Variants in AFF3 observed in about 807,000 individuals in gnomAD.
AFF3 encodes AF4/FMR2 family member 3.
Under a neutral mutation model 129.7 loss-of-function variants are expected in AFF3, and 32 were observed. That is an observed-to-expected ratio of 0.25 (90% CI 0.19 to 0.33). AFF3 has a LOEUF of 0.33. AFF3 is among the 10% of genes least tolerant of loss of function. AFF3 has a pLI of 1.00. For missense variants in AFF3, 1,373 were observed against 1,592.0 expected (o/e 0.86, Z 2.34); for synonymous variants, 644 against 635.4 (o/e 1.01, Z -0.20).
intron 4 of AFF3, among the ~76,000 whole-genome samples, chr2:100,029,136 T>TC (rs1475827585): frequency 6.6e-6 from 1 of 152,206 alleles, no homozygotes; most frequent in Admixed American, 6.5e-5. Context: ...CTGAACTATG[T>TC]CCCCTCAAAA....
chr2:99,973,212 C>T (rs920461179), intron 7 of AFF3, among the ~76,000 whole-genome samples: 41 of 152,168 alleles, frequency 2.7e-4, no homozygotes, highest in African/African-American at 8.2e-4. Flanking sequence ...GTTCTCTAGA[C>T]GCACTTACCT....
rs1389487001 is a variant in AFF3 at position 99,637,371 on chromosome 2, T to C, written c.1184+12255A>G. Among the ~76,000 whole-genome samples, 4 of 152,382 alleles carry C rather than the reference T, an allele frequency of 2.6e-5. No homozygotes were observed. The East Asian group carries it at 7.7e-4, about 29-fold the overall frequency. ...CCACTGCAGGCACAGGCATGAGTGA[T>C]GAAGACAGTGGCACCTGTGTTCAGA... On this transcript the variant is annotated intron_variant, in intron 13 of 24. Transcript: ENST00000672756.
rs757086046 is a variant in AFF3, at chr2:99,776,677, C to T, written c.922-24376G>A. ...AGGAAGCAAGTTATTTCCACCATTCCGGCAGTGGGCTCCAGGCTCCCAGAT... is the reference window on the plus strand; with the variant it reads ...AGGAAGCAAGTTATTTCCACCATTCTGGCAGTGGGCTCCAGGCTCCCAGAT... On this transcript the variant is annotated intron_variant, in intron 8 of 24. Transcript: ENST00000672756. 3.9e-5 allele frequency among the ~76,000 whole-genome samples: 6 copies of T among 152,194 alleles called. No homozygotes were observed. In the East Asian group the frequency reaches 7.7e-4, roughly 19 times the overall value.
chr2:99,693,922 CT>C (rs796185117), intron 11 of AFF3, among the ~76,000 whole-genome samples: 501 of 145,786 alleles, frequency 3.4e-3, no homozygotes, highest in Non-Finnish European at 4.5e-3. Flanking sequence ...TTCCTTAATA[CT>C]TTTTTTTTTT....
In AFF3 at chr2:99,583,023, G is replaced by A. The variant is rs542233488; in HGVS notation, c.2592-24C>T. On this transcript the variant is annotated intron_variant, in intron 16 of 24. Coordinates refer to ENST00000672756, the MANE Select transcript of AFF3 (RefSeq NM_001386135.1). Reference sequence around the variant, plus strand: ...CACTGAAAAAGGAAATTACGGTAATGGAATGTTACAGAGTCAGCACAGGGA... The same window carrying A: ...CACTGAAAAAGGAAATTACGGTAATAGAATGTTACAGAGTCAGCACAGGGA... The A allele has an allele frequency of 6.9e-6, 11 of 1,605,400 alleles. No homozygotes were observed. In the East Asian group the frequency reaches 2.2e-4, roughly 33 times the overall value.
In AFF3 at chr2:99,789,446, CAAAAAAAAAA is replaced by C. The variant is rs34653301; in HGVS notation, c.922-37155_922-37146del. ...AGGTAACAGAGTGAGGCCCTGTCAC[CAAAAAAAAAA>C]AAAAAAAAAAAAAAGTAGTTGAGGA... On this transcript the variant is annotated intron_variant, in intron 8 of 24. Transcript: ENST00000672756. Among the ~76,000 whole-genome samples, 8 of 62,064 alleles carry C rather than the reference CAAAAAAAAAA, an allele frequency of 1.3e-4. 1 individual carries two copies. The highest frequency in any genetic ancestry group is 2.8e-5 in the Non-Finnish European group (1 of 36,178). The allele number at this position is 62,064 out of a possible 152,430, so 40.7% of individuals were successfully genotyped here. A position where few individuals can be genotyped will look rare whatever the true frequency, so the allele number is the denominator to read the frequency against.
At chr2:99,597,090 G>C (rs1558624241) in intron 14 of AFF3, among the ~76,000 whole-genome samples, 1 of 152,112 alleles carries the variant, frequency 6.6e-6, no homozygotes, top group African/African-American at 2.4e-5. Context: ...CTAACTTGTA[G>C]ATGAGGCTCA....
intron 8 of AFF3, among the ~76,000 whole-genome samples, chr2:99,779,533 G>A (rs949322260): frequency 1.1e-4 from 17 of 152,086 alleles, no homozygotes; most frequent in African/African-American, 3.6e-4. Flanking sequence ...AGTCAGTTAC[G>A]TATTTTTGTG....
chr2:99,842,192 G>C (rs1275542679), intron 7 of AFF3, among the ~76,000 whole-genome samples: 1 of 152,146 alleles, frequency 6.6e-6, no homozygotes, highest in African/African-American at 2.4e-5. Context: ...AGGTAGGGTT[G>C]GGGTTGGGGG....
chr2:99,837,658 G>T, intron 7 of AFF3, 134 bp from the exon 8 acceptor site: 1 of 719,512 alleles, frequency 1.4e-6, no homozygotes, highest in African/African-American at 1.8e-5. Context: ...GCCTGACCTG[G>T]GACTGGCAGA....
chr2:99,881,511 T>C (rs183107064), intron 7 of AFF3, among the ~76,000 whole-genome samples: 41 of 152,178 alleles, frequency 2.7e-4, no homozygotes, highest in African/African-American at 9.9e-4. Flanking sequence ...GAACACTTTA[T>C]GGGGTAAGTT....
intron 7 of AFF3, among the ~76,000 whole-genome samples, chr2:99,897,026 T>C (rs1694022033): frequency 1.3e-5 from 2 of 152,152 alleles, no homozygotes; most frequent in Non-Finnish European, 2.9e-5. Context: ...AAAGAAATGG[T>C]TTACTTTTAT....
Position 99,709,177 on chromosome 2 carries a change from C to T in AFF3, c.1091+17900G>A, listed in dbSNP as rs140480952. On this transcript the variant is annotated intron_variant, in intron 11 of 24. Transcript: ENST00000672756. ...GGCTGAGCAGGGAGGATCACTTAAG[C>T]CCAGGAGTTCAAGGCCAGCCCAGGC... Among the ~76,000 whole-genome samples the T allele has an allele frequency of 1.3e-4, 20 of 152,222 alleles. No individual in the cohort carries two copies. In the East Asian group the frequency reaches 3.7e-3, roughly 28 times the overall value.
intron 11 of AFF3, among the ~76,000 whole-genome samples, chr2:99,719,799 C>T (rs754349219): frequency 4.3e-4 from 65 of 152,134 alleles, no homozygotes; most frequent in Admixed American, 8.5e-4. Context: ...GCCTTAATCC[C>T]AGCACTTTGT....
intron 8 of AFF3, among the ~76,000 whole-genome samples, chr2:99,810,675 G>T (rs1256374158): frequency 6.6e-6 from 1 of 151,968 alleles, no homozygotes; most frequent in East Asian, 1.9e-4. Context: ...TTCCATCTCC[G>T]CTTAACAAAT....
At chr2:100,032,655 A>G (rs567461916) in intron 4 of AFF3, among the ~76,000 whole-genome samples, 3 of 152,308 alleles carry the variant, frequency 2.0e-5, no homozygotes, top group East Asian at 1.9e-4. Context: ...TGGTGATCCA[A>G]TTGACCCACT....
chr2:99,931,403 T>C (rs1410937124), intron 7 of AFF3, among the ~76,000 whole-genome samples: 1 of 152,212 alleles, frequency 6.6e-6, no homozygotes, highest in Non-Finnish European at 1.5e-5. Flanking sequence ...TATATGGATC[T>C]TTTATAAGGG....
At chr2:100,011,387 C>G (rs756456579) in intron 4 of AFF3, 1 of 759,356 alleles carries the variant, frequency 1.3e-6, no homozygotes, top group Non-Finnish European at 2.4e-6. Flanking sequence ...CAACCAGACA[C>G]ACAAGACTGG....
At chr2:99,733,465 A>G (rs1198737601) in intron 10 of AFF3, among the ~76,000 whole-genome samples, 1 of 151,108 alleles carries the variant, frequency 6.6e-6, no homozygotes, top group African/African-American at 2.4e-5. Flanking sequence ...TTATCTTTGG[A>G]TAATGTTAAG....
Sources: gnomAD v4.1 joint callset for allele counts (sites outside exome capture counted in the v4.1 genomes callset) on GRCh38, gnomAD v4.1.1 for gene constraint, MANE v1.5 for transcripts, NCBI Gene and HGNC (gene_info 2026-07-23, HGNC 2026-07-21) for gene names.